SRGAP2: variants seen among roughly 807,000 people sequenced by gnomAD.
The protein encoded by SRGAP2 is SLIT-ROBO Rho GTPase activating protein 2, also known as SLIT-ROBO Rho GTPase-activating protein 2.
A neutral mutation model predicts 57.2 loss-of-function variants in SRGAP2; 15 were observed. The observed-to-expected ratio is 0.26, with a 90% CI of 0.18 to 0.40. The LOEUF is 0.40. Among genes scored for constraint, SRGAP2 ranks in the 10% least tolerant of loss-of-function variants. The probability of loss-of-function intolerance (pLI) is 1.00; values close to 1 mark genes in which losing one functional copy is unlikely to be tolerated. For synonymous variants in SRGAP2, 249 were observed against 248.0 expected (o/e 1.00, Z -0.04); for missense variants, 520 against 669.6 (o/e 0.78, Z 2.47).
chr1:206,327,918 T>C lies in SRGAP2; in HGVS notation c.261-14928T>C, dbSNP rs868982151. On this transcript the variant is annotated intron_variant, in intron 3 of 22. Coordinates refer to ENST00000573034, the MANE Select transcript of SRGAP2 (RefSeq NM_015326.5). ...GTGCGCTGCACCCACTAACTCGTCA[T>C]CTAGCATTAGGTATATCTCCCAATG... is the stretch of plus-strand genomic sequence containing the variant. Among the ~76,000 whole-genome samples, 752 of 101,738 alleles carry C rather than the reference T, an allele frequency of 7.4e-3. 8 individuals are homozygous for C. Among genetic ancestry groups the C allele is most frequent in the Middle Eastern group, 0.02 (5 of 250 alleles). 66.7% of individuals were successfully genotyped at this position (101,738 alleles called of 152,430 possible). A position where few individuals can be genotyped will look rare whatever the true frequency, so the allele number is the denominator to read the frequency against.
intron 5 of SRGAP2, among the ~76,000 whole-genome samples, chr1:206,389,406 T>C (rs1656688210): frequency 6.6e-6 from 1 of 152,120 alleles, no homozygotes; most frequent in Non-Finnish European, 1.5e-5. Flanking sequence ...CTCAATCTCC[T>C]GACCTCGTGA....
chr1:206,350,210 AG>A (rs1254063749), intron 4 of SRGAP2, among the ~76,000 whole-genome samples: 5 of 149,922 alleles, frequency 3.3e-5, no homozygotes, highest in African/African-American at 1.2e-4. Context: ...ATAAAATTTT[AG>A]AAAAAACAAA....
intron 2 of SRGAP2, among the ~76,000 whole-genome samples, chr1:206,283,856 T>A (rs1426933514): frequency 7.1e-6 from 1 of 140,688 alleles, no homozygotes; most frequent in Non-Finnish European, 1.5e-5. Flanking sequence ...CTTTAAAATT[T>A]AATAGCGTCC....
At chr1:206,431,383 A>T (rs1480661819) in intron 14 of SRGAP2, among the ~76,000 whole-genome samples, 1 of 152,242 alleles carries the variant, frequency 6.6e-6, no homozygotes, top group African/African-American at 2.4e-5. Flanking sequence ...GAAATAAGTA[A>T]GCAAGTGATA....
intron 2 of SRGAP2, among the ~76,000 whole-genome samples, chr1:206,208,770 C>A (rs1553301817): frequency 6.6e-6 from 1 of 151,730 alleles, no homozygotes; most frequent in Non-Finnish European, 1.5e-5. Context: ...ACTTCTCTTA[C>A]AGATGCCAAG....
chr1:206,398,132 G>A (rs1276904329), intron 7 of SRGAP2, among the ~76,000 whole-genome samples: 6 of 149,104 alleles, frequency 4.0e-5, no homozygotes, highest in African/African-American at 1.5e-4. Context: ...GGCCAGGGGA[G>A]TCCAGCGTGG....
chr1:206,438,606 C>G (rs2103325509), intron 16 of SRGAP2, among the ~76,000 whole-genome samples: 1 of 152,310 alleles, frequency 6.6e-6, no homozygotes, highest in African/African-American at 2.4e-5. Context: ...CTGCTTTATC[C>G]TCTTAGGAGT....
chr1:206,459,173 G>A (rs1664068387), intron 22 of SRGAP2, among the ~76,000 whole-genome samples: 1 of 152,194 alleles, frequency 6.6e-6, no homozygotes, highest in Non-Finnish European at 1.5e-5. Flanking sequence ...AAGAAGCCTA[G>A]CTTCTTGCTC....
chr1:206,341,445 TA>T (rs1486199671), intron 3 of SRGAP2, among the ~76,000 whole-genome samples: 1 of 152,054 alleles, frequency 6.6e-6, no homozygotes, highest in African/African-American at 2.4e-5. Flanking sequence ...TAAAAATTTT[TA>T]GTCTACTTTT....
At chr1:206,322,733 A>G (rs1673562533) in intron 3 of SRGAP2, among the ~76,000 whole-genome samples, 1 of 145,800 alleles carries the variant, frequency 6.9e-6, no homozygotes, top group South Asian at 2.2e-4. Flanking sequence ...TTTCTTTCCT[A>G]TCTTAGTCTG....
intron 2 of SRGAP2, among the ~76,000 whole-genome samples, chr1:206,275,478 TGTG>T (rs2102669638): frequency 9.3e-6 from 1 of 106,994 alleles, no homozygotes; most frequent in East Asian, 2.7e-4. Context: ...TCATCTGTAG[TGTG>T]GTGACCACAG....
chr1:206,212,100 C>T (rs1225307305), intron 2 of SRGAP2, among the ~76,000 whole-genome samples: 1 of 152,144 alleles, frequency 6.6e-6, no homozygotes, highest in East Asian at 1.9e-4. Flanking sequence ...CATTGATGAA[C>T]ACTTGGGTTG....
Position 206,454,541 on chromosome 1 carries a change from T to G in SRGAP2, c.2361-337T>G, listed in dbSNP as rs1363467270. ...TAAACCACAACCTGGACTTGCCGCC[T>G]CCTTCTCCAGGAGGCCGCCCCAGCA... On this transcript the variant is annotated intron_variant, in intron 20 of 22. Coordinates refer to ENST00000573034, the MANE Select transcript of SRGAP2 (RefSeq NM_015326.5). This position sits in a 1 kb window ranked among gnomAD's most constrained non-coding sequence, Gnocchi z 4.3. The G allele has an allele frequency of 2.4e-6, 1 of 408,928 alleles. No individual in the cohort carries two copies. Among genetic ancestry groups the G allele is most frequent in the East Asian group, 4.4e-5 (1 of 22,766 alleles). The allele number at this position is 408,928 out of a possible 1,614,324, so 25.3% of individuals were successfully genotyped here. A position where few individuals can be genotyped will look rare whatever the true frequency, so the allele number is the denominator to read the frequency against.
At chr1:206,402,310 G>A (rs1472632269) in intron 8 of SRGAP2, among the ~76,000 whole-genome samples, 1 of 151,924 alleles carries the variant, frequency 6.6e-6, no homozygotes, top group Non-Finnish European at 1.5e-5. Context: ...CATGAACATG[G>A]GGGCCTTGTT....
chr1:206,205,047 G>C (rs1287916550), intron 1 of SRGAP2: 1 of 152,042 alleles, frequency 6.6e-6, no homozygotes, highest in Non-Finnish European at 1.5e-5. Context: ...TTGATGTACA[G>C]GGAGGTGCCC....
chr1:206,435,146 C>T (rs1338082438), intron 14 of SRGAP2, among the ~76,000 whole-genome samples: 5 of 152,202 alleles, frequency 3.3e-5, no homozygotes, highest in Admixed American at 3.3e-4. Context: ...AGGCCTATTA[C>T]AAGCCAGGTA....
chr1:206,216,796 T>TTTTG lies in SRGAP2; in HGVS notation c.67+10787_67+10790dup, dbSNP rs1404118930. 1.1e-3 allele frequency among the ~76,000 whole-genome samples: 94 copies of TTTTG among 86,806 alleles called. 1 individual carries two copies. The highest frequency in any genetic ancestry group is 4.7e-3 in the African/African-American group (88 of 18,642). 56.9% of individuals were successfully genotyped at this position (86,806 alleles called of 152,430 possible). A position where few individuals can be genotyped will look rare whatever the true frequency, so the allele number is the denominator to read the frequency against. ...GGAAGAAGGCATATTCTCTTTGTTTTTTTGTTTGTTTGTTTGTTTGTTTGT... is the reference window on the plus strand; with the variant it reads ...GGAAGAAGGCATATTCTCTTTGTTTTTTTGTTTGTTTGTTTGTTTGTTTGTTTGT... On this transcript the variant is annotated intron_variant, in intron 2 of 22. Coordinates refer to ENST00000573034, the MANE Select transcript of SRGAP2 (RefSeq NM_015326.5).
At chr1:206,319,041 G>C (rs1235506460) in intron 3 of SRGAP2, among the ~76,000 whole-genome samples, 1 of 152,098 alleles carries the variant, frequency 6.6e-6, no homozygotes. Context: ...TGATTAATGG[G>C]TTATTGTTAT....
At chr1:206,276,506 GGTGGA>G (rs1319970068) in intron 2 of SRGAP2, among the ~76,000 whole-genome samples, 10 of 147,766 alleles carry the variant, frequency 6.8e-5, no homozygotes, top group Non-Finnish European at 1.3e-4. Context: ...AGGGTGGGAA[GGTGGA>G]GTGAAGAAAA....
Sources: gnomAD v4.1 joint callset for allele counts (sites outside exome capture counted in the v4.1 genomes callset) on GRCh38, gnomAD v4.1.1 for gene constraint, Gnocchi (gnomAD v3.1) non-coding constraint, MANE v1.5 for transcripts, NCBI Gene and HGNC (gene_info 2026-07-23, HGNC 2026-07-21) for gene names.